Variants in CIMIP6 observed in about 807,000 individuals in gnomAD.
The protein encoded by CIMIP6 is ciliary microtubule inner protein 6.
the CIMIP6 span, chr2:54,359,103 C>A: frequency 3.4e-3 from 4,060 of 1,206,586 alleles, 17 homozygotes; most frequent in Non-Finnish European, 4.0e-3. Flanking sequence ...TTATTTAATA[C>A]TTTAAGACAG....
At chr2:54,363,719 A>G in the CIMIP6 span, among the ~76,000 whole-genome samples, 9 of 152,136 alleles carry the variant, frequency 5.9e-5, no homozygotes, top group Non-Finnish European at 1.2e-4. Flanking sequence ...ATCTATATTT[A>G]TCTACATTTT....
chr2:54,356,143 TAAA>T, the CIMIP6 span, among the ~76,000 whole-genome samples: 3 of 136,662 alleles, frequency 2.2e-5, no homozygotes. Flanking sequence ...CTTAAACTGT[TAAA>T]AAAAAAAAAA....
At chr2:54,350,097 C>T in the CIMIP6 span, among the ~76,000 whole-genome samples, 1 of 152,184 alleles carries the variant, frequency 6.6e-6, no homozygotes, top group Non-Finnish European at 1.5e-5. Context: ...CTCAGGTGAT[C>T]CACCTGCCTT....
At chr2:54,366,196 C>T in the CIMIP6 span, among the ~76,000 whole-genome samples, 3 of 152,194 alleles carry the variant, frequency 2.0e-5, no homozygotes, top group African/African-American at 7.2e-5. Context: ...ACCAGAGCAG[C>T]ATGTGCAACT....
the CIMIP6 span, among the ~76,000 whole-genome samples, chr2:54,366,567 A>G: frequency 6.6e-6 from 1 of 152,178 alleles, no homozygotes; most frequent in Non-Finnish European, 1.5e-5. Context: ...TGAAATCCAG[A>G]CATAGACGCA....
At chr2:54,347,116 A>G in the CIMIP6 span, among the ~76,000 whole-genome samples, 17 of 152,092 alleles carry the variant, frequency 1.1e-4, no homozygotes, top group African/African-American at 3.9e-4. Context: ...TAAAATCTGA[A>G]TAAGAAAAGA....
chr2:54,374,319 A>G, the CIMIP6 span, among the ~76,000 whole-genome samples: 2 of 152,198 alleles, frequency 1.3e-5, no homozygotes, highest in Admixed American at 1.3e-4. Context: ...TAAGTACTGG[A>G]AAAGTGCTGG....
the CIMIP6 span, among the ~76,000 whole-genome samples, chr2:54,335,923 ACC>A: frequency 6.6e-6 from 1 of 151,950 alleles, no homozygotes; most frequent in Non-Finnish European, 1.5e-5. Flanking sequence ...TCTTTCTCTG[ACC>A]CACTCTCCTG....
the CIMIP6 span, among the ~76,000 whole-genome samples, chr2:54,375,886 G>T: frequency 7.2e-6 from 1 of 139,782 alleles, no homozygotes; most frequent in South Asian, 2.4e-4. Flanking sequence ...CATATAGGGG[G>T]TGTGTGTGTG....
At chr2:54,372,421 G>A in the CIMIP6 span, among the ~76,000 whole-genome samples, 8 of 152,222 alleles carry the variant, frequency 5.3e-5, no homozygotes, top group East Asian at 1.2e-3. Flanking sequence ...TGTAAAACAC[G>A]GCCTCAGGCT....
the CIMIP6 span, chr2:54,343,753 C>A: frequency 6.2e-7 from 1 of 1,609,464 alleles, no homozygotes; most frequent in Non-Finnish European, 8.5e-7. Context: ...AGCACTGGAA[C>A]CTGTCTTCCT....
At chr2:54,346,075 G>A in the CIMIP6 span, among the ~76,000 whole-genome samples, 1 of 145,876 alleles carries the variant, frequency 6.9e-6, no homozygotes, top group East Asian at 2.0e-4. Flanking sequence ...CACTGAGAAG[G>A]AAATGAAGTC....
the CIMIP6 span, among the ~76,000 whole-genome samples, chr2:54,350,378 G>A: frequency 6.6e-6 from 1 of 152,338 alleles, no homozygotes; most frequent in Admixed American, 6.5e-5. Context: ...GGTCTGGTCA[G>A]TGATGGTCAC....
At chr2:54,354,707 C>G in the CIMIP6 span, among the ~76,000 whole-genome samples, 16 of 152,010 alleles carry the variant, frequency 1.1e-4, no homozygotes, top group Non-Finnish European at 1.6e-4. Context: ...TTGCCATACT[C>G]TTATTCTCAT....
At chr2:54,361,523 C>T in the CIMIP6 span, 3 of 152,160 alleles carry the variant, frequency 2.0e-5, no homozygotes, top group African/African-American at 7.2e-5. Flanking sequence ...ATTGATAAGA[C>T]TACAGCTATA....
At chr2:54,371,755 T>C in the CIMIP6 span, among the ~76,000 whole-genome samples, 5 of 152,106 alleles carry the variant, frequency 3.3e-5, no homozygotes, top group Admixed American at 2.0e-4. Context: ...AATCCCACAA[T>C]GTGGGTGGGC....
chr2:54,370,145 C>T, the CIMIP6 span, among the ~76,000 whole-genome samples: 1 of 151,976 alleles, frequency 6.6e-6, no homozygotes, highest in Non-Finnish European at 1.5e-5. Flanking sequence ...ATCTCGGCTT[C>T]TCGGGAGGCT....
chr2:54,334,693 C>A, the CIMIP6 span: 1 of 701,334 alleles, frequency 1.4e-6, no homozygotes, highest in South Asian at 2.0e-5. Flanking sequence ...ACCCTTATAA[C>A]TATTAATACA....
At chr2:54,381,553 C>T in the CIMIP6 span, among the ~76,000 whole-genome samples, 1 of 152,192 alleles carries the variant, frequency 6.6e-6, no homozygotes, top group South Asian at 2.1e-4. Context: ...AGGTATACAG[C>T]TAGCGAGGAA....
Sources: gnomAD v4.1 joint callset for allele counts (sites outside exome capture counted in the v4.1 genomes callset) on GRCh38, gnomAD v4.1.1 for gene constraint, MANE v1.5 for transcripts, NCBI Gene and HGNC (gene_info 2026-07-23, HGNC 2026-07-21) for gene names.